Variants in GPR107 observed in about 807,000 individuals in gnomAD.
The protein encoded by GPR107 is protein GPR107.
Under a neutral mutation model 75.5 loss-of-function variants are expected in GPR107, and 31 were observed. The ratio of observed to expected loss-of-function variants is 0.41; its 90% CI spans 0.31 to 0.55. The LOEUF (loss-of-function observed/expected upper bound fraction) is 0.55. GPR107 is among the 20% of genes least tolerant of loss of function. GPR107 has a pLI of 0.26. For missense variants in GPR107, 572 were observed against 665.7 expected (o/e 0.86, Z 1.55); for synonymous variants, 267 against 251.3 (o/e 1.06, Z -0.59).
chr9:130,131,513 C>T (rs895599430), intron 17 of GPR107, among the ~76,000 whole-genome samples: 2 of 152,144 alleles, frequency 1.3e-5, no homozygotes, highest in African/African-American at 4.8e-5. Context: ...CGTTCTCCCT[C>T]TTCGCACTCC....
At chr9:130,094,691 G>A (rs1186860127) in intron 9 of GPR107, among the ~76,000 whole-genome samples, 5 of 147,808 alleles carry the variant, frequency 3.4e-5, no homozygotes, top group Admixed American at 3.4e-4. Context: ...GTTTTTTTTT[G>A]TTTTTTTGAG....
intron 1 of GPR107, among the ~76,000 whole-genome samples, chr9:130,063,993 C>T (rs576090193): frequency 1.3e-5 from 2 of 150,920 alleles, no homozygotes; most frequent in South Asian, 2.1e-4. Context: ...TTAGTAGAGA[C>T]GGGGTTACAC....
intron 4 of GPR107, 79 bp from the exon 5 acceptor site, chr9:130,079,551 C>A: frequency 2.6e-6 from 3 of 1,154,290 alleles, no homozygotes; most frequent in Non-Finnish European, 2.5e-6. Flanking sequence ...ATGAGCTTGG[C>A]ACAGGGCCTA....
At chr9:130,125,646 G>C (rs1831659078) in intron 15 of GPR107, among the ~76,000 whole-genome samples, 1 of 142,076 alleles carries the variant, frequency 7.0e-6, no homozygotes, top group South Asian at 2.2e-4. Context: ...CTGTCGCCCA[G>C]GCTGGAGTGC....
intron 9 of GPR107, among the ~76,000 whole-genome samples, chr9:130,096,303 G>A (rs549699570): frequency 1.7e-4 from 26 of 152,032 alleles, no homozygotes; most frequent in African/African-American, 6.3e-4. Context: ...AAGTACCAGG[G>A]AGGAAATGAG....
intron 1 of GPR107, among the ~76,000 whole-genome samples, chr9:130,074,158 A>G (rs1339347718): frequency 6.6e-6 from 1 of 152,192 alleles, no homozygotes; most frequent in East Asian, 1.9e-4. Context: ...TTCTCAGCCC[A>G]TAATCTAGGG....
chr9:130,088,138 G>C (rs140661097), intron 7 of GPR107, among the ~76,000 whole-genome samples: 1 of 152,124 alleles, frequency 6.6e-6, no homozygotes, highest in Admixed American at 6.6e-5. Context: ...CATCTGTCTT[G>C]GAGTAAAGCC....
chr9:130,060,628 A>G (rs1346138291), intron 1 of GPR107, among the ~76,000 whole-genome samples: 3 of 152,082 alleles, frequency 2.0e-5, no homozygotes, highest in Non-Finnish European at 4.4e-5. Context: ...TGATTTTTAT[A>G]TTGTGTTAAA....
At chr9:130,054,646 C>G (rs1355545718) in intron 1 of GPR107, among the ~76,000 whole-genome samples, 1 of 152,218 alleles carries the variant, frequency 6.6e-6, no homozygotes, top group African/African-American at 2.4e-5. Flanking sequence ...CCTGCTTTTT[C>G]TTCCTCTATC....
At chr9:130,074,653 ACT>A (rs768325922) in intron 1 of GPR107, among the ~76,000 whole-genome samples, 4 of 151,724 alleles carry the variant, frequency 2.6e-5, no homozygotes, top group Non-Finnish European at 5.9e-5. Context: ...TATCCAAAAG[ACT>A]CTGTCTCCAT....
chr9:130,127,416 A>G, intron 15 of GPR107, 67 bp from the exon 16 acceptor site: 1 of 841,158 alleles, frequency 1.2e-6, no homozygotes, highest in East Asian at 2.4e-5. Flanking sequence ...TTGTGAAAGC[A>G]AATTGTTAAA....
At chr9:130,069,049 A>T (rs1830135561) in intron 1 of GPR107, among the ~76,000 whole-genome samples, 1 of 152,076 alleles carries the variant, frequency 6.6e-6, no homozygotes, top group Non-Finnish European at 1.5e-5. Context: ...CCTAGGATAT[A>T]CTTTTTATTT....
intron 14 of GPR107, among the ~76,000 whole-genome samples, chr9:130,121,222 CCCTT>C: frequency 6.6e-6 from 1 of 151,720 alleles, no homozygotes; most frequent in South Asian, 2.1e-4. Flanking sequence ...CAAAACAAAA[CCCTT>C]CAGAATAGCA....
intron 1 of GPR107, among the ~76,000 whole-genome samples, chr9:130,057,413 G>A (rs1829819418): frequency 6.6e-6 from 1 of 151,666 alleles, no homozygotes; most frequent in Non-Finnish European, 1.5e-5. Flanking sequence ...GGGAGGCTGA[G>A]GTGGCAGGAT....
At chr9:130,071,043 TTTTTTTTTTTG>T (rs1830195978) in intron 1 of GPR107, among the ~76,000 whole-genome samples, 1 of 143,362 alleles carries the variant, frequency 7.0e-6, no homozygotes. Context: ...TTCTTTTTTT[TTTTTTTTTTTG>T]AGACAGAGTC....
chr9:130,094,566 CT>C (rs1364320505), intron 9 of GPR107, among the ~76,000 whole-genome samples: 1 of 151,932 alleles, frequency 6.6e-6, no homozygotes, highest in Non-Finnish European at 1.5e-5. Flanking sequence ...GAGTAAGACT[CT>C]GTCTCTAAGA....
chr9:130,139,207 G>C lies in GPR107; in HGVS notation c.*4086G>C, dbSNP rs1832034127. The C allele has an allele frequency of 6.6e-6, 1 of 152,188 alleles. No homozygotes were observed. The allele number at this position is 152,188 out of a possible 1,614,324, so 9.4% of individuals were successfully genotyped here. On this transcript the variant is annotated 3_prime_UTR_variant, in exon 18 of 18. Coordinates refer to ENST00000347136, the MANE Select transcript of GPR107 (RefSeq NM_020960.5). Reference sequence around the variant, plus strand: ...GCAAGTTAATGGCTTCCTCGCTATAGAAGTGAGACTTTGACTTGATGCCTC... The same window carrying C: ...GCAAGTTAATGGCTTCCTCGCTATACAAGTGAGACTTTGACTTGATGCCTC...
At chr9:130,130,434 G>A (rs1289439151) in intron 17 of GPR107, among the ~76,000 whole-genome samples, 3 of 152,180 alleles carry the variant, frequency 2.0e-5, no homozygotes, top group African/African-American at 7.2e-5. Flanking sequence ...CTCATTCATG[G>A]TTGCTGTTCA....
intron 5 of GPR107, among the ~76,000 whole-genome samples, chr9:130,080,463 G>A (rs1830464603): frequency 1.4e-5 from 2 of 139,026 alleles, no homozygotes; most frequent in Non-Finnish European, 3.1e-5. Flanking sequence ...GGCAAAAAAG[G>A]TATTCCTGTT....
Sources: allele counts gnomAD v4.1 joint callset (sites outside exome capture counted in the v4.1 genomes callset), GRCh38; gene constraint gnomAD v4.1.1; transcripts MANE v1.5; gene names NCBI Gene and HGNC (gene_info 2026-07-23, HGNC 2026-07-21).